GAS2L1: variants seen among roughly 807,000 people sequenced by gnomAD.
GAS2L1 encodes the protein GAS2-like protein 1.
GAS2L1 carries 26 observed loss-of-function variants against 44.0 expected under a neutral mutation model. The observed-to-expected ratio is 0.59, with a 90% confidence interval of 0.43 to 0.82. The LOEUF is 0.82. Ranked by LOEUF, GAS2L1 falls within the 40% of genes least tolerant of loss-of-function variation. The pLI is 0.00. For missense variants in GAS2L1, 1,006 were observed against 983.0 expected (o/e 1.02, Z -0.31); for synonymous variants, 426 against 415.9 (o/e 1.02, Z -0.30).
exon 4 of GAS2L1, chr22:29,310,859 T>A (rs1368567238): frequency 1.2e-6 from 2 of 1,612,344 alleles, no homozygotes; most frequent in African/African-American, 2.7e-5. Context: ...GGTCTGCACC[T>A]TTTCTCCACA....
rs542120982 is a variant in GAS2L1 at position 29,310,936 on chromosome 22, C to T, written c.948C>T (p.Ser316=). ...TCCCTGGGAGTGAGCGCCGGGGCTC[C>T]CGGCCTGAGATGACTCCCGTTAGCT... is the stretch of plus-strand genomic sequence containing the variant. The change falls in exon 4 of 5, where the codon TCC becomes TCT. Residue 316 remains serine (S), a synonymous_variant. Transcript: ENST00000618518. 19 of 1,613,782 alleles carry T rather than the reference C, an allele frequency of 1.2e-5. No homozygotes were observed. In the East Asian group the frequency reaches 3.3e-4, roughly 28 times the overall value.
At position 29,310,648 on chromosome 22, in the gene GAS2L1, G is replaced by T. The variant is rs749176624; in HGVS notation, c.752G>T (p.Ser251Ile). Residue 251 changes from serine (S) to isoleucine (I), a missense_variant, in exon 3 of 5, where the codon AGC becomes ATC. Transcript: ENST00000618518. ...TGCCCACACCTGCAGGTGCTGAGGA[G>T]CCACGTGATGGTGCGAGTGGGTGGT... The T allele has an allele frequency of 5.6e-6, 9 of 1,607,380 alleles. No individual in the cohort carries two copies. The Admixed American group carries it at 1.5e-4, about 27-fold the overall frequency.
rs2061387536 is a variant in GAS2L1, at chr22:29,310,208, C to T, written c.634-231C>T. Reference sequence around the variant, plus strand: ...GGTGAGACGAGATCGTGCTATTGCACTCCAGCCTGGGCAACAAGAGCAAAA... The same window carrying T: ...GGTGAGACGAGATCGTGCTATTGCATTCCAGCCTGGGCAACAAGAGCAAAA... On this transcript the variant is annotated intron_variant, in intron 1 of 4. Transcript: ENST00000618518. The T allele has an allele frequency of 2.4e-5, 6 of 251,150 alleles. No homozygotes were observed. The East Asian group carries it at 4.6e-4, about 19-fold the overall frequency. 15.6% of individuals were successfully genotyped at this position (251,150 alleles called of 1,614,324 possible).
In GAS2L1 at chr22:29,308,758, G is replaced by T; in HGVS notation, c.633+20G>T. The T allele has an allele frequency of 6.8e-7, 1 of 1,477,214 alleles. No individual in the cohort carries two copies. 91.5% of individuals were successfully genotyped at this position (1,477,214 alleles called of 1,614,324 possible). A position where few individuals can be genotyped will look rare whatever the true frequency, so the allele number is the denominator to read the frequency against. ...GAGCTGGTGAGTCCCCCAGCACCAG[G>T]TGCCAGGGACCCGACAGCACAGCCA... On this transcript the variant is annotated intron_variant, in intron 1 of 4. Transcript: ENST00000618518.
At chr22:29,311,839 G>A (rs1173613339) in exon 5 of GAS2L1, 2 of 1,593,022 alleles carry the variant, frequency 1.3e-6, no homozygotes, top group East Asian at 2.2e-5. Flanking sequence ...AGGGGCAGGG[G>A]CAGTGGGGGC....
At chr22:29,309,541 C>T (rs940160094) in intron 1 of GAS2L1, among the ~76,000 whole-genome samples, 20 of 152,250 alleles carry the variant, frequency 1.3e-4, no homozygotes, top group African/African-American at 4.3e-4. Flanking sequence ...AAGGCCCCAC[C>T]TGCTTATTTC....
At position 29,310,565 on chromosome 22, in the gene GAS2L1, C is replaced by T. The variant is rs758672387; in HGVS notation, c.741+19C>T. On this transcript the variant is annotated intron_variant, in intron 2 of 4. Coordinates refer to ENST00000618518, the Ensembl canonical transcript of GAS2L1. Reference sequence around the variant, plus strand: ...TGTGCGGGTAAGGGCCTGGGGCCGCCCCAGCGGGCAGCAGCCAAGGTGGTG... The same window carrying T: ...TGTGCGGGTAAGGGCCTGGGGCCGCTCCAGCGGGCAGCAGCCAAGGTGGTG... The T allele has an allele frequency of 6.3e-7, 1 of 1,590,274 alleles. No homozygotes were observed. The highest frequency in any genetic ancestry group is 8.6e-7 in the Non-Finnish European group (1 of 1,158,266).
chr22:29,312,221 G>A, exon 5 of GAS2L1: 1 of 1,613,030 alleles, frequency 6.2e-7, no homozygotes, highest in Non-Finnish European at 8.5e-7. Flanking sequence ...CCAATGGGCT[G>A]CCTGGGCCCC....
chr22:29,311,352 C>G, intron 4 of GAS2L1, 110 bp from the exon 6 acceptor site: 1 of 600,556 alleles, frequency 1.7e-6, no homozygotes, highest in South Asian at 2.0e-5. Context: ...GACCGATGCC[C>G]CTGACAGCCC....
chr22:29,307,954 C>T, exon 1 of GAS2L1: 1 of 545,216 alleles, frequency 1.8e-6, no homozygotes, highest in Non-Finnish European at 3.0e-6. Context: ...GGGGCACCGA[C>T]ATTTCCCAGA....
upstream of GAS2L1, chr22:29,306,803 G>A (rs1056260687): frequency 2.0e-5 from 3 of 152,368 alleles, no homozygotes; most frequent in Non-Finnish European, 2.9e-5. Flanking sequence ...GGCTGGGTGG[G>A]GGTTGGGCGC....
chr22:29,312,167 C>T (rs2061416505), exon 5 of GAS2L1: 2 of 1,613,116 alleles, frequency 1.2e-6, no homozygotes, highest in African/African-American at 1.3e-5. Context: ...CCCTCAGCGT[C>T]CTGGGTGGCA....
At chr22:29,308,693 C>T (rs1446804415) in exon 1 of GAS2L1, 2 of 1,504,644 alleles carry the variant, frequency 1.3e-6, no homozygotes, top group South Asian at 1.3e-5. Flanking sequence ...CTCCTGCCCG[C>T]GGCCCCCGCA....
exon 5 of GAS2L1, chr22:29,311,752 C>T (rs1314234801): frequency 2.6e-6 from 4 of 1,535,606 alleles, no homozygotes; most frequent in East Asian, 2.4e-5. Context: ...GCCCGGCGGG[C>T]CCGGAGCCAG....
In GAS2L1 at chr22:29,312,387, C is replaced by T. The variant is rs770654898; in HGVS notation, c.1936C>T (p.Arg646Cys). 19 of 1,591,644 alleles carry T rather than the reference C, an allele frequency of 1.2e-5. No homozygotes were observed. In the South Asian group the frequency reaches 1.7e-4, roughly 14 times the overall value. ...CACACAGCCAGACCGTAAACCCTCA[C>T]GTATCCCCACGCCTCGGGGCCCCCG... Residue 646 changes from arginine (R) to cysteine (C), a missense_variant, in exon 5 of 5, where the codon CGT (arginine) becomes TGT (cysteine). By Grantham distance (180) the Arg-to-Cys change is radical. Coordinates refer to ENST00000618518, the Ensembl canonical transcript of GAS2L1.
chr22:29,311,811 C>G lies in GAS2L1; in HGVS notation c.1360C>G (p.Gln454Glu), dbSNP rs764426580. The G allele has an allele frequency of 1.9e-6, 3 of 1,587,240 alleles. No individual in the cohort carries two copies. The South Asian group carries it at 3.3e-5, about 18-fold the overall frequency. Reference sequence around the variant, plus strand: ...GCTTGTGCGCAGGGATCGAGACGGGCAGCACTCATGGGTGCCAAGGGGCAG... The same window carrying G: ...GCTTGTGCGCAGGGATCGAGACGGGGAGCACTCATGGGTGCCAAGGGGCAG... Residue 454 changes from glutamine (Q) to glutamate (E), a missense_variant, in exon 5 of 5, where the codon CAG becomes GAG. Gln to Glu is a conservative substitution (Grantham distance 29, BLOSUM62 2). Coordinates refer to ENST00000618518, the Ensembl canonical transcript of GAS2L1.
intron 1 of GAS2L1, among the ~76,000 whole-genome samples, chr22:29,309,144 G>T (rs1326077356): frequency 6.6e-6 from 1 of 152,206 alleles, no homozygotes; most frequent in Admixed American, 6.5e-5. Flanking sequence ...AGGTTGAGCG[G>T]GTGCTGTGAT....
At position 29,312,033 on chromosome 22, in the gene GAS2L1, AATGCCCG is replaced by A; in HGVS notation, c.1583_1589del (p.Asn528ArgfsTer9). 1 of 1,612,412 alleles carries A rather than the reference AATGCCCG, an allele frequency of 6.2e-7. No individual in the cohort carries two copies. Among genetic ancestry groups the A allele is most frequent in the Non-Finnish European group, 8.5e-7 (1 of 1,179,854 alleles). Reference sequence around the variant, plus strand: ...GCGCCTGGAAGAGGAGTTCCTGGCCAATGCCCGGGCCCTTGAGGCTGTTGCTAGCGTG... The same window carrying A: ...GCGCCTGGAAGAGGAGTTCCTGGCCAGGCCCTTGAGGCTGTTGCTAGCGTG... On this transcript the variant is annotated frameshift_variant, in exon 5 of 5. Transcript: ENST00000618518. LOFTEE classifies it high-confidence loss of function.
intron 3 of GAS2L1, 29 bp from the exon 5 acceptor site, chr22:29,310,798 C>A: frequency 6.2e-7 from 1 of 1,606,920 alleles, no homozygotes; most frequent in Non-Finnish European, 8.5e-7. Flanking sequence ...CTCTGTCCCT[C>A]ACATGCTGCC....
Sources: allele counts gnomAD v4.1 joint callset (sites outside exome capture counted in the v4.1 genomes callset), GRCh38; gene constraint gnomAD v4.1.1; transcripts MANE v1.5; gene names NCBI Gene and HGNC (gene_info 2026-07-23, HGNC 2026-07-21).